GARNL3: variants seen among roughly 807,000 people sequenced by gnomAD.
GARNL3 encodes the protein GTPase-activating Rap/Ran-GAP domain-like protein 3.
Under a neutral mutation model 125.0 loss-of-function variants are expected in GARNL3, and 63 were observed. That is an observed-to-expected ratio of 0.50 (90% CI 0.41 to 0.62). The LOEUF (loss-of-function observed/expected upper bound fraction) is 0.62, where lower values mean the gene tolerates loss of function less well. Ranked by LOEUF, GARNL3 falls within the 20% of genes least tolerant of loss-of-function variation. GARNL3 has a pLI of 0.00. For missense variants in GARNL3, 994 were observed against 1,244.0 expected, an observed-to-expected ratio of 0.80 and a Z score of 3.02; for synonymous variants, 439 against 457.5, an observed-to-expected ratio of 0.96 and a Z score of 0.52.
At chr9:127,262,773 A>G (rs1465281536), upstream of GARNL3, among the ~76,000 whole-genome samples, 1 of 152,246 alleles carries the variant, frequency 6.6e-6, no homozygotes, top group Non-Finnish European at 1.5e-5. Flanking sequence ...TCATTAATGC[A>G]GTAAGCATTT....
At chr9:127,343,361 G>A (rs1829971827) in intron 14 of GARNL3, among the ~76,000 whole-genome samples, 1 of 152,136 alleles carries the variant, frequency 6.6e-6, no homozygotes, top group Non-Finnish European at 1.5e-5. Flanking sequence ...AGGGTACCAA[G>A]ATGAGCAATG....
intron 22 of GARNL3, among the ~76,000 whole-genome samples, chr9:127,365,586 A>G (rs1564183509): frequency 6.6e-6 from 1 of 152,164 alleles, no homozygotes; most frequent in Non-Finnish European, 1.5e-5. Flanking sequence ...TTGTGATGCT[A>G]TCTCCAGGAT....
intron 1 of GARNL3, among the ~76,000 whole-genome samples, chr9:127,272,242 T>C (rs1349048632): frequency 6.7e-6 from 1 of 150,032 alleles, no homozygotes; most frequent in Non-Finnish European, 1.5e-5. Context: ...CCAGCACCCC[T>C]AACACAACTC....
At chr9:127,224,922 GGGGCGTGGGCGGGGCGT>G (rs2062872211) in intron 1 of GARNL3, among the ~76,000 whole-genome samples, 1 of 134,540 alleles carries the variant, frequency 7.4e-6, no homozygotes, top group Non-Finnish European at 1.6e-5. Flanking sequence ...GGGCGTGGGC[GGGGCGTGGGCGGGGCGT>G]GGGCGGGGCC....
At chr9:127,284,180 G>A (rs1389508015) in intron 1 of GARNL3, among the ~76,000 whole-genome samples, 1 of 152,096 alleles carries the variant, frequency 6.6e-6, no homozygotes, top group South Asian at 2.1e-4. Context: ...GTTGTGACAA[G>A]ATCTTCAGTT....
At chr9:127,317,311 G>C (rs951360909) in intron 4 of GARNL3, among the ~76,000 whole-genome samples, 1 of 152,170 alleles carries the variant, frequency 6.6e-6, no homozygotes, top group African/African-American at 2.4e-5. Flanking sequence ...GTCTCTGAAA[G>C]ATTCAGGGGA....
intron 7 of GARNL3, among the ~76,000 whole-genome samples, chr9:127,328,539 C>T (rs1019167478): frequency 6.6e-6 from 1 of 152,164 alleles, no homozygotes; most frequent in East Asian, 1.9e-4. Context: ...GAGGCACCCC[C>T]ACAAGAGAAC....
intron 1 of GARNL3, among the ~76,000 whole-genome samples, chr9:127,278,278 G>A (rs1022587484): frequency 1.3e-5 from 2 of 152,118 alleles, no homozygotes; most frequent in African/African-American, 4.8e-5. Context: ...TACAAAATGG[G>A]TTTATGTATT....
At chr9:127,378,055 A>G (rs906238515) in intron 22 of GARNL3, among the ~76,000 whole-genome samples, 1 of 151,910 alleles carries the variant, frequency 6.6e-6, no homozygotes, top group Admixed American at 6.6e-5. Flanking sequence ...AGTCTGGCCA[A>G]CATGGTAAAC....
intron 8 of GARNL3, among the ~76,000 whole-genome samples, chr9:127,332,740 A>C (rs1160084032): frequency 2.0e-5 from 3 of 152,192 alleles, no homozygotes; most frequent in Non-Finnish European, 4.4e-5. Flanking sequence ...TCTGAACGCA[A>C]GCAGTAATAA....
At chr9:127,381,387 A>G (rs1832248022) in intron 22 of GARNL3, among the ~76,000 whole-genome samples, 1 of 152,020 alleles carries the variant, frequency 6.6e-6, no homozygotes, top group Admixed American at 6.5e-5. Context: ...TTTTTTTCAG[A>G]AATTAGAAAT....
At position 127,266,502 on chromosome 9, in the gene GARNL3, G is replaced by T. The variant is rs79309716; in HGVS notation, c.144+1481G>T. 8.7e-3 allele frequency among the ~76,000 whole-genome samples: 1,327 copies of T among 152,288 alleles called. 28 individuals carry two copies. The highest frequency in any genetic ancestry group is 0.03 in the African/African-American group (1,238 of 41,556). On this transcript the variant is annotated intron_variant, in intron 1 of 27. Transcript: ENST00000373387. The surrounding 1 kb of genome is among the most constrained non-coding windows in gnomAD (Gnocchi z 4.0). ...ATTACTTATCTTTGTGACCAGTCAG[G>T]TTACTTCTCTGAACCTCAGTAATGC... is the stretch of plus-strand genomic sequence containing the variant.
intron 25 of GARNL3, 98 bp from the exon 26 acceptor site, chr9:127,388,806 C>G: frequency 2.6e-6 from 2 of 770,482 alleles, no homozygotes; most frequent in South Asian, 3.1e-5. Flanking sequence ...GACATAACGT[C>G]TTCCTTCATG....
chr9:127,298,279 A>C (rs1228429704), intron 2 of GARNL3, among the ~76,000 whole-genome samples: 1 of 152,120 alleles, frequency 6.6e-6, no homozygotes, highest in African/African-American at 2.4e-5. Context: ...TCTGGGTTCA[A>C]GCGAGTCTCC....
At chr9:127,292,483 C>T (rs945776434) in intron 2 of GARNL3, among the ~76,000 whole-genome samples, 5 of 152,202 alleles carry the variant, frequency 3.3e-5, no homozygotes, top group Non-Finnish European at 7.3e-5. Flanking sequence ...GGAAAGCTAG[C>T]GGCCACCATG....
chr9:127,286,438 C>T (rs1588758951), intron 1 of GARNL3, among the ~76,000 whole-genome samples: 1 of 152,224 alleles, frequency 6.6e-6, no homozygotes, highest in East Asian at 1.9e-4. Flanking sequence ...GTTCTGTTCT[C>T]TGCCCAAGGA....
chr9:127,257,853 C>A (rs529946818), intron 2 of GARNL3, among the ~76,000 whole-genome samples: 44 of 152,186 alleles, frequency 2.9e-4, no homozygotes, highest in Non-Finnish European at 2.9e-4. Flanking sequence ...CTGTTATGAA[C>A]CAGGAGCTCT....
intron 1 of GARNL3, 21 bp downstream of exon 1, chr9:127,265,042 C>A: frequency 6.2e-7 from 1 of 1,601,838 alleles, no homozygotes; most frequent in South Asian, 1.1e-5. Flanking sequence ...GCTGTCTGTT[C>A]AGTGGTAGTA....
Position 127,383,290 on chromosome 9 carries a change from AT to A in GARNL3, c.2162-147del, listed in dbSNP as rs1588974810. ...GCTCAGAATGCCTTTGACCCTAAGT[AT>A]CCAGCATCATGGCGGTATTCATACT... On this transcript the variant is annotated intron_variant, in intron 22 of 27. Transcript: ENST00000373387. 1.5e-5 allele frequency: 8 copies of A among 539,510 alleles called. No individual in the cohort carries two copies. In the East Asian group the frequency reaches 2.5e-4, roughly 17 times the overall value. The allele number at this position is 539,510 out of a possible 1,614,324, so 33.4% of individuals were successfully genotyped here.
Sources: gnomAD v4.1 joint callset for allele counts (sites outside exome capture counted in the v4.1 genomes callset) on GRCh38, gnomAD v4.1.1 for gene constraint, Gnocchi (gnomAD v3.1) non-coding constraint, MANE v1.5 for transcripts, NCBI Gene and HGNC (gene_info 2026-07-23, HGNC 2026-07-21) for gene names.